TPRG1: variants seen among roughly 807,000 people sequenced by gnomAD.
TPRG1 encodes the protein tumor protein p63 regulated 1.
In TPRG1, 29 loss-of-function variants were observed where a neutral mutation model predicts 29.3. The ratio of observed to expected loss-of-function variants is 0.99; its 90% CI spans 0.74 to 1.35. The LOEUF (loss-of-function observed/expected upper bound fraction) is 1.35, where lower values mean the gene tolerates loss of function less well. Among genes scored for constraint, TPRG1 ranks in the 40% most tolerant of loss-of-function variants. TPRG1 has a pLI of 0.00. For missense variants in TPRG1, 327 were observed against 335.0 expected, an observed-to-expected ratio of 0.98 and a Z score of 0.19; for synonymous variants, 130 against 116.8, an observed-to-expected ratio of 1.11 and a Z score of -0.73.
chr3:189,287,725 A>T (rs1229034986), intron 4 of TPRG1, among the ~76,000 whole-genome samples: 1 of 152,192 alleles, frequency 6.6e-6, no homozygotes, highest in Non-Finnish European at 1.5e-5. Context: ...TGCCGAGTTA[A>T]TATTGCCTAG....
At chr3:189,033,638 G>A (rs1303360659) in intron 4 of TPRG1, among the ~76,000 whole-genome samples, 1 of 151,300 alleles carries the variant, frequency 6.6e-6, no homozygotes, top group Non-Finnish European at 1.5e-5. Flanking sequence ...GGAGTGCAGT[G>A]GTGCAATCTT....
chr3:189,009,909 C>G (rs544118837), intron 3 of TPRG1, among the ~76,000 whole-genome samples: 1 of 151,950 alleles, frequency 6.6e-6, no homozygotes, highest in Non-Finnish European at 1.5e-5. Flanking sequence ...AGGTATCAAG[C>G]CCAGCATCCA....
intron 5 of TPRG1, among the ~76,000 whole-genome samples, chr3:189,163,798 G>T (rs972729289): frequency 5.3e-5 from 8 of 152,132 alleles, no homozygotes; most frequent in Non-Finnish European, 1.0e-4. Flanking sequence ...AGTTGCCGGG[G>T]TTGGGCTGGA....
intron 4 of TPRG1, among the ~76,000 whole-genome samples, chr3:189,276,766 G>T (rs750166170): frequency 6.6e-6 from 1 of 152,150 alleles, no homozygotes; most frequent in Non-Finnish European, 1.5e-5. Flanking sequence ...ATGATGACAG[G>T]TTTGGCATTC....
At chr3:189,231,969 G>A (rs1402680195) in intron 3 of TPRG1, among the ~76,000 whole-genome samples, 2 of 151,700 alleles carry the variant, frequency 1.3e-5, no homozygotes, top group Non-Finnish European at 2.9e-5. Context: ...GTGTGTGTGT[G>A]TGTGTTTGGG....
At chr3:189,116,806 T>G (rs1319038782) in intron 1 of TPRG1, among the ~76,000 whole-genome samples, 1 of 152,166 alleles carries the variant, frequency 6.6e-6, no homozygotes, top group Non-Finnish European at 1.5e-5. Flanking sequence ...GGGAGTTGTT[T>G]AATGGGTGTA....
At chr3:189,088,373 G>A (rs1337394521) in intron 4 of TPRG1, among the ~76,000 whole-genome samples, 1 of 152,146 alleles carries the variant, frequency 6.6e-6, no homozygotes, top group African/African-American at 2.4e-5. Context: ...GACTGCTAAA[G>A]TTGCTTATCA....
intron 4 of TPRG1, among the ~76,000 whole-genome samples, chr3:189,286,107 C>T (rs1160034016): frequency 6.6e-6 from 1 of 151,898 alleles, no homozygotes. Flanking sequence ...TTTTAAAATG[C>T]CAAAAAAATG....
intron 4 of TPRG1, among the ~76,000 whole-genome samples, chr3:189,081,922 G>C (rs776291228): frequency 2.6e-5 from 4 of 152,136 alleles, no homozygotes; most frequent in Non-Finnish European, 4.4e-5. Flanking sequence ...GATTCATCGA[G>C]ATTTAGCTCA....
intron 4 of TPRG1, among the ~76,000 whole-genome samples, chr3:189,042,708 C>G (rs1440495591): frequency 1.3e-5 from 2 of 151,976 alleles, no homozygotes; most frequent in East Asian, 3.9e-4. Context: ...CTCAATCATG[C>G]TTGAAGAAAA....
intron 4 of TPRG1, among the ~76,000 whole-genome samples, chr3:189,078,921 G>A (rs74336491): frequency 0.023 from 3,434 of 152,222 alleles, 121 homozygotes; most frequent in African/African-American, 0.075. Context: ...CACCATAACT[G>A]TCATCGTGTC....
intron 3 of TPRG1, among the ~76,000 whole-genome samples, chr3:189,007,592 G>A (rs1712360478): frequency 6.6e-6 from 1 of 151,554 alleles, no homozygotes; most frequent in African/African-American, 2.4e-5. Flanking sequence ...AAAGATACAT[G>A]CACACGTATG....
intron 4 of TPRG1, among the ~76,000 whole-genome samples, chr3:189,040,782 C>T (rs1714583889): frequency 1.3e-5 from 2 of 152,144 alleles, no homozygotes; most frequent in African/African-American, 4.8e-5. Flanking sequence ...TGTTTTCTTT[C>T]CCCATGATTT....
intron 1 of TPRG1, among the ~76,000 whole-genome samples, chr3:189,110,182 T>A (rs953849619): frequency 1.3e-5 from 2 of 152,222 alleles, no homozygotes; most frequent in African/African-American, 4.8e-5. Flanking sequence ...GGTAAGATTC[T>A]GCCAAATAGA....
chr3:189,114,428 A>AC (rs1236415486), intron 1 of TPRG1, among the ~76,000 whole-genome samples: 1 of 152,084 alleles, frequency 6.6e-6, no homozygotes, highest in Non-Finnish European at 1.5e-5. Flanking sequence ...GATTACAGGC[A>AC]CACACCACCA....
intron 3 of TPRG1, among the ~76,000 whole-genome samples, chr3:189,022,249 T>A (rs1100318): frequency 4.5e-4 from 68 of 151,682 alleles, no homozygotes; most frequent in African/African-American, 1.4e-3. Context: ...GTCATTCTCC[T>A]TCCAGCTTTG....
At chr3:189,045,348 T>C (rs1714909647) in intron 4 of TPRG1, among the ~76,000 whole-genome samples, 1 of 152,220 alleles carries the variant, frequency 6.6e-6, no homozygotes, top group African/African-American at 2.4e-5. Flanking sequence ...CTTCTTTAAT[T>C]GCTATTCAAC....
At chr3:189,189,332 T>C (rs1560530325) in intron 1 of TPRG1, among the ~76,000 whole-genome samples, 1 of 152,142 alleles carries the variant, frequency 6.6e-6, no homozygotes, top group African/African-American at 2.4e-5. Context: ...TGTACAACGT[T>C]AGTTATAATG....
chr3:189,318,705 C>G (rs1723936451), intron 5 of TPRG1, among the ~76,000 whole-genome samples: 1 of 152,088 alleles, frequency 6.6e-6, no homozygotes, highest in South Asian at 2.1e-4. Flanking sequence ...CAACATTATT[C>G]ACATAGCACT....
Sources: allele counts gnomAD v4.1 joint callset (sites outside exome capture counted in the v4.1 genomes callset), GRCh38; gene constraint gnomAD v4.1.1; transcripts MANE v1.5; gene names NCBI Gene and HGNC (gene_info 2026-07-23, HGNC 2026-07-21).